The following GPC5 variants were observed in gnomAD, a reference collection of about 807,000 sequenced individuals.
GPC5 encodes the protein glypican 5.
A neutral mutation model predicts 53.9 loss-of-function variants in GPC5; 47 were observed. The observed-to-expected ratio is 0.87, with a 90% CI of 0.69 to 1.11. The LOEUF (loss-of-function observed/expected upper bound fraction) is 1.11, where lower values mean the gene tolerates loss of function less well. Among genes scored for constraint, GPC5 ranks in the 50% most tolerant of loss-of-function variants. The probability of loss-of-function intolerance (pLI) is 0.00; values close to 1 mark genes in which losing one functional copy is unlikely to be tolerated. For synonymous variants in GPC5, 286 were observed against 263.3 expected (o/e 1.09, Z -0.84); for missense variants, 748 against 713.1 (o/e 1.05, Z -0.56).
At chr13:92,720,522 A>G (rs926607566) in intron 7 of GPC5, among the ~76,000 whole-genome samples, 3 of 151,532 alleles carry the variant, frequency 2.0e-5, no homozygotes, top group African/African-American at 7.2e-5. Flanking sequence ...AATTTCATAA[A>G]TTAAAGTAAT....
intron 7 of GPC5, among the ~76,000 whole-genome samples, chr13:92,308,208 C>T (rs2043123518): frequency 6.6e-6 from 1 of 152,102 alleles, no homozygotes; most frequent in Non-Finnish European, 1.5e-5. Flanking sequence ...TTTTCCTTAT[C>T]TGTACAGTGA....
chr13:92,640,911 G>T (rs1341585177), intron 7 of GPC5, among the ~76,000 whole-genome samples: 1 of 151,336 alleles, frequency 6.6e-6, no homozygotes, highest in East Asian at 2.0e-4. Flanking sequence ...TAAGCAGAGG[G>T]GAAATAGAAC....
At chr13:91,593,265 G>A (rs894417243) in intron 2 of GPC5, among the ~76,000 whole-genome samples, 6 of 152,106 alleles carry the variant, frequency 3.9e-5, no homozygotes, top group Non-Finnish European at 7.4e-5. Context: ...CAGTGTCTGC[G>A]TGATACCTTC....
At chr13:91,432,746 C>A (rs2139030582) in intron 1 of GPC5, among the ~76,000 whole-genome samples, 1 of 152,110 alleles carries the variant, frequency 6.6e-6, no homozygotes, top group African/African-American at 2.4e-5. Context: ...AAACACAAAT[C>A]TCTAAATTAC....
At chr13:91,816,273 A>G (rs2038398543) in intron 5 of GPC5, among the ~76,000 whole-genome samples, 1 of 152,168 alleles carries the variant, frequency 6.6e-6, no homozygotes, top group Non-Finnish European at 1.5e-5. Context: ...TCTACCTGTG[A>G]TACTCAAGGT....
At chr13:92,575,254 A>G (rs12876272) in intron 7 of GPC5, among the ~76,000 whole-genome samples, 1 of 152,226 alleles carries the variant, frequency 6.6e-6, no homozygotes, top group Non-Finnish European at 1.5e-5. Context: ...GATGTAATTA[A>G]GTTAATAAGC....
At chr13:91,532,123 G>A (rs1886377008) in intron 2 of GPC5, among the ~76,000 whole-genome samples, 1 of 152,084 alleles carries the variant, frequency 6.6e-6, no homozygotes, top group Non-Finnish European at 1.5e-5. Context: ...GGCAGATTAA[G>A]GAAATTGACA....
intron 6 of GPC5, among the ~76,000 whole-genome samples, chr13:92,065,868 T>C (rs1440932549): frequency 6.6e-6 from 1 of 152,112 alleles, no homozygotes; most frequent in African/African-American, 2.4e-5. Flanking sequence ...GGTTACTTTT[T>C]ATTTAAGTTC....
At chr13:92,793,105 C>G (rs187855064) in intron 7 of GPC5, among the ~76,000 whole-genome samples, 8 of 152,260 alleles carry the variant, frequency 5.3e-5, no homozygotes, top group Non-Finnish European at 1.2e-4. Flanking sequence ...CCACACCGCC[C>G]TTATTCCAAA....
At chr13:92,014,698 G>C (rs576022379) in intron 6 of GPC5, among the ~76,000 whole-genome samples, 2 of 152,144 alleles carry the variant, frequency 1.3e-5, no homozygotes, top group African/African-American at 4.8e-5. Flanking sequence ...TGTTGACCAT[G>C]AACAAGTGAC....
chr13:91,856,528 T>G (rs2138902206), intron 5 of GPC5, among the ~76,000 whole-genome samples: 1 of 151,714 alleles, frequency 6.6e-6, no homozygotes, highest in Admixed American at 6.6e-5. Context: ...CTCTTTGTGG[T>G]TTTAATTTGT....
chr13:91,802,727 T>A (rs2038156226), intron 5 of GPC5, among the ~76,000 whole-genome samples: 1 of 152,116 alleles, frequency 6.6e-6, no homozygotes, highest in African/African-American at 2.4e-5. Flanking sequence ...GCTTCACCTT[T>A]CACTAGCATG....
chr13:91,611,051 A>T (rs2139306484), intron 2 of GPC5, among the ~76,000 whole-genome samples: 1 of 152,298 alleles, frequency 6.6e-6, no homozygotes, highest in Non-Finnish European at 1.5e-5. Flanking sequence ...TCTGGATCCC[A>T]CTGGGTGGTT....
At chr13:91,892,605 A>C (rs920909018) in intron 5 of GPC5, among the ~76,000 whole-genome samples, 40 of 151,844 alleles carry the variant, frequency 2.6e-4, no homozygotes, top group African/African-American at 9.4e-4. Context: ...TCTGTTACAA[A>C]TTAGTATTTT....
chr13:92,250,294 G>A (rs1455804328), intron 7 of GPC5, among the ~76,000 whole-genome samples: 1 of 152,252 alleles, frequency 6.6e-6, no homozygotes, highest in Admixed American at 6.5e-5. Context: ...AGTTTTGCTC[G>A]TAATACGTGC....
chr13:92,456,737 C>T (rs1367869789), intron 7 of GPC5, among the ~76,000 whole-genome samples: 2 of 152,154 alleles, frequency 1.3e-5, no homozygotes, highest in Non-Finnish European at 2.9e-5. Context: ...AAAATCCTTT[C>T]TCTGTCATCC....
At chr13:92,179,606 C>T (rs935476102) in intron 7 of GPC5, among the ~76,000 whole-genome samples, 1 of 152,214 alleles carries the variant, frequency 6.6e-6, no homozygotes, top group African/African-American at 2.4e-5. Context: ...GTAGGCATAG[C>T]ACTTGCTCAT....
chr13:92,394,488 G>A (rs150892678), intron 7 of GPC5, among the ~76,000 whole-genome samples: 115 of 152,234 alleles, frequency 7.6e-4, no homozygotes, highest in African/African-American at 2.4e-3. Flanking sequence ...GACAAAACAA[G>A]AAGTTGACAT....
chr13:91,537,900 G>A (rs997355327), intron 2 of GPC5, among the ~76,000 whole-genome samples: 2 of 152,104 alleles, frequency 1.3e-5, no homozygotes, highest in African/African-American at 2.4e-5. Flanking sequence ...AATTGAAAAC[G>A]TATATTTACA....
Sources: gnomAD v4.1 joint callset for allele counts (sites outside exome capture counted in the v4.1 genomes callset) on GRCh38, gnomAD v4.1.1 for gene constraint, MANE v1.5 for transcripts, NCBI Gene and HGNC (gene_info 2026-07-23, HGNC 2026-07-21) for gene names.